The following FAM83B variants were observed in gnomAD, a reference collection of about 807,000 sequenced individuals.
FAM83B encodes the protein protein FAM83B.
Under a neutral mutation model 38.8 loss-of-function variants are expected in FAM83B, and 26 were observed. That is an observed-to-expected ratio of 0.67 (90% confidence interval 0.49 to 0.93). FAM83B has a LOEUF of 0.93. FAM83B is among the 40% of genes least tolerant of loss of function. The pLI, the probability that FAM83B is intolerant of heterozygous loss-of-function variation, is 0.00. For missense variants in FAM83B, 1,237 were observed against 1,197.3 expected, an observed-to-expected ratio of 1.03 and a Z score of -0.49; for synonymous variants, 419 against 423.1, an observed-to-expected ratio of 0.99 and a Z score of 0.12.
At chr6:54,880,455 T>TTTG (rs1454395692) in intron 2 of FAM83B, among the ~76,000 whole-genome samples, 1 of 146,858 alleles carries the variant, frequency 6.8e-6, no homozygotes, top group Non-Finnish European at 1.5e-5. Context: ...TTTTTTTTTT[T>TTTG]TTTTTTTGAG....
At position 54,940,636 on chromosome 6, in the gene FAM83B, A is replaced by G; in HGVS notation, c.1665A>G (p.Glu555=). ...VFKPTLPEQK[E]VNSCTTGSSN... is the part of the protein sequence containing the mutation. The stretch of plus-strand genomic sequence containing the variant: ...AACCCACTTTACCTGAGCAAAAGGA[A>G]GTTAACAGTTGTACAACTGGCTCCT... Residue 555 remains glutamate (E), a synonymous_variant, in exon 5 of 5, where the codon GAA becomes GAG. Coordinates refer to ENST00000306858, the MANE Select transcript of FAM83B (RefSeq NM_001010872.3). 1 of 1,614,054 alleles carries G rather than the reference A, an allele frequency of 6.2e-7. No homozygotes were observed. The highest frequency in any genetic ancestry group is 8.5e-7 in the Non-Finnish European group (1 of 1,180,012).
chr6:54,889,982 A>G (rs1221451783), intron 2 of FAM83B, among the ~76,000 whole-genome samples: 1 of 152,056 alleles, frequency 6.6e-6, no homozygotes, highest in Non-Finnish European at 1.5e-5. Flanking sequence ...CATTTTAACC[A>G]TTTATGTTAA....
chr6:54,866,549 T>C (rs750365244), intron 1 of FAM83B, among the ~76,000 whole-genome samples: 4 of 152,088 alleles, frequency 2.6e-5, no homozygotes, highest in African/African-American at 7.2e-5. Context: ...ACTTTGGAGA[T>C]TGGTGTTTTT....
At chr6:54,902,460 T>C (rs1772680789) in intron 2 of FAM83B, among the ~76,000 whole-genome samples, 1 of 152,160 alleles carries the variant, frequency 6.6e-6, no homozygotes. Context: ...TCTGGGGTTA[T>C]GTTATTAGGA....
Position 54,926,574 on chromosome 6 carries a change from T to C in FAM83B, c.609+39T>C. 2.0e-6 allele frequency: 3 copies of C among 1,466,948 alleles called. No individual in the cohort carries two copies. The African/African-American group carries it at 4.2e-5, about 21-fold the overall frequency. The allele number at this position is 1,466,948 out of a possible 1,614,324, so 90.9% of individuals were successfully genotyped here. A position where few individuals can be genotyped will look rare whatever the true frequency, so the allele number is the denominator to read the frequency against. ...TTTTTTTTTCCTCAAGTATTTTATG[T>C]GTCATTTTCAACTCAGTCAAATGTA... On this transcript the variant is annotated intron_variant, in intron 3 of 4. Transcript: ENST00000306858.
intron 2 of FAM83B, among the ~76,000 whole-genome samples, chr6:54,876,645 G>T (rs1438574674): frequency 6.6e-6 from 1 of 151,826 alleles, no homozygotes; most frequent in African/African-American, 2.4e-5. Context: ...ATTTGATTGG[G>T]AGAAATGTTT....
chr6:54,867,458 A>T (rs1324348055), intron 1 of FAM83B, among the ~76,000 whole-genome samples: 1 of 152,068 alleles, frequency 6.6e-6, no homozygotes, highest in Non-Finnish European at 1.5e-5. Context: ...CCAGAACAAT[A>T]TAAAGTATAT....
Position 54,880,128 on chromosome 6 carries a change from C to G in FAM83B, c.444+9438C>G, listed in dbSNP as rs535012087. Among the ~76,000 whole-genome samples, 4 of 152,302 alleles carry G rather than the reference C, an allele frequency of 2.6e-5. No homozygotes were observed. In the East Asian group the frequency reaches 7.7e-4, roughly 29 times the overall value. ...TTGAGTCCCAGCTATGTGCAAGGCACTCTGCTAATTCATACAGATGGGGGG... is the reference window on the plus strand; with the variant it reads ...TTGAGTCCCAGCTATGTGCAAGGCAGTCTGCTAATTCATACAGATGGGGGG... On this transcript the variant is annotated intron_variant, in intron 2 of 4. Coordinates refer to ENST00000306858, the MANE Select transcript of FAM83B (RefSeq NM_001010872.3).
At chr6:54,930,740 G>A (rs1468065163) in intron 4 of FAM83B, among the ~76,000 whole-genome samples, 3 of 151,442 alleles carry the variant, frequency 2.0e-5, no homozygotes, top group Non-Finnish European at 4.4e-5. Context: ...TTCCCTATTT[G>A]TTTTTGTTTT....
chr6:54,857,167 A>G (rs1581880314), intron 1 of FAM83B, among the ~76,000 whole-genome samples: 1 of 152,112 alleles, frequency 6.6e-6, no homozygotes, highest in Non-Finnish European at 1.5e-5. Flanking sequence ...GAGGCACACT[A>G]CCCTTGTTAA....
Position 54,870,535 on chromosome 6 carries a change from T to C in FAM83B, c.289T>C (p.Ser97Pro). The C allele has an allele frequency of 1.2e-6, 2 of 1,614,026 alleles. No homozygotes were observed. Among genetic ancestry groups the C allele is most frequent in the Non-Finnish European group, 1.7e-6 (2 of 1,179,990 alleles). Reference protein sequence around the residue: ...LSSGTYWPVESDVEAPNLDLG... With the variant: ...LSSGTYWPVEPDVEAPNLDLG... Reference sequence around the variant, plus strand: ...TTCAGGGACCTACTGGCCTGTTGAGTCTGATGTGGAAGCTCCAAATCTTGA... The same window carrying C: ...TTCAGGGACCTACTGGCCTGTTGAGCCTGATGTGGAAGCTCCAAATCTTGA... Residue 97 changes from serine (S) to proline (P), a missense_variant, in exon 2 of 5, where the codon TCT (serine) becomes CCT (proline). By Grantham distance (74) the Ser-to-Pro change is moderately conservative. Transcript: ENST00000306858.
At chr6:54,921,597 A>G (rs968407530) in intron 2 of FAM83B, among the ~76,000 whole-genome samples, 7 of 152,036 alleles carry the variant, frequency 4.6e-5, no homozygotes, top group African/African-American at 1.4e-4. Context: ...AATTCATGAC[A>G]AGAATTAATG....
intron 1 of FAM83B, among the ~76,000 whole-genome samples, chr6:54,869,310 A>G (rs1256554906): frequency 6.6e-6 from 1 of 152,130 alleles, no homozygotes; most frequent in Non-Finnish European, 1.5e-5. Flanking sequence ...ACACTCTCCT[A>G]GCTACCTGTC....
At chr6:54,903,252 G>T (rs1772702655) in intron 2 of FAM83B, among the ~76,000 whole-genome samples, 1 of 152,138 alleles carries the variant, frequency 6.6e-6, no homozygotes, top group South Asian at 2.1e-4. Context: ...AGAGTGTAGT[G>T]CTGAACATGC....
rs140571121 is a variant in FAM83B, at chr6:54,938,806, C to T, written c.735-900C>T. ...TAGTTTGCAAATAGTTTCTCCCACT[C>T]TGTGGGCTGTCTGTTTACTCTGCTG... On this transcript the variant is annotated intron_variant, in intron 4 of 4. Coordinates refer to ENST00000306858, the MANE Select transcript of FAM83B (RefSeq NM_001010872.3). Among the ~76,000 whole-genome samples, 944 of 152,298 alleles carry T rather than the reference C, an allele frequency of 6.2e-3. 4 individuals are homozygous for T. Among genetic ancestry groups the T allele is most frequent in the Non-Finnish European group, 0.01 (684 of 68,020 alleles).
At chr6:54,923,093 T>G (rs1364580842) in intron 2 of FAM83B, among the ~76,000 whole-genome samples, 1 of 152,070 alleles carries the variant, frequency 6.6e-6, no homozygotes, top group Non-Finnish European at 1.5e-5. Flanking sequence ...CCAACTAGCT[T>G]CAACAATTAT....
chr6:54,909,327 A>C lies in FAM83B; in HGVS notation c.445-17044A>C, dbSNP rs1452446900. Among the ~76,000 whole-genome samples the C allele has an allele frequency of 1.3e-5, 2 of 152,096 alleles. 1 individual carries two copies. Among genetic ancestry groups the C allele is most frequent in the African/African-American group, 4.8e-5 (2 of 41,422 alleles). ...ATAACAGTCCATATATTCCAATCCA[A>C]CTCCCTCTTGGAATGCTGTAGATTC... On this transcript the variant is annotated intron_variant, in intron 2 of 4. Transcript: ENST00000306858.
intron 2 of FAM83B, among the ~76,000 whole-genome samples, chr6:54,885,630 C>T (rs192719524): frequency 6.6e-6 from 1 of 152,044 alleles, no homozygotes; most frequent in African/African-American, 2.4e-5. Flanking sequence ...ACCTTGGGTA[C>T]GTGTTCCATT....
At chr6:54,894,087 A>AT (rs1466419055) in intron 2 of FAM83B, among the ~76,000 whole-genome samples, 5 of 152,040 alleles carry the variant, frequency 3.3e-5, no homozygotes, top group African/African-American at 1.2e-4. Context: ...GGTCCTTTAT[A>AT]TTTTTCTGTA....
Sources: gnomAD v4.1 joint callset for allele counts (sites outside exome capture counted in the v4.1 genomes callset) on GRCh38, gnomAD v4.1.1 for gene constraint, MANE v1.5 for transcripts, NCBI Gene and HGNC (gene_info 2026-07-23, HGNC 2026-07-21) for gene names.